The following SPOCK1 variants were observed in gnomAD, a reference collection of about 807,000 sequenced individuals.
SPOCK1 encodes the protein SPARC (osteonectin), cwcv and kazal like domains proteoglycan 1.
SPOCK1 carries 23 observed loss-of-function variants against 55.3 expected under a neutral mutation model. The ratio of observed to expected loss-of-function variants is 0.42; its 90% CI spans 0.30 to 0.59. The LOEUF is 0.59. SPOCK1 is among the 20% of genes least tolerant of loss of function. The probability of loss-of-function intolerance (pLI) is 0.22; values close to 1 mark genes in which losing one functional copy is unlikely to be tolerated. For synonymous variants in SPOCK1, 226 were observed against 221.0 expected, an observed-to-expected ratio of 1.02 and a Z score of -0.20; for missense variants, 499 against 552.5, an observed-to-expected ratio of 0.90 and a Z score of 0.97.
chr5:137,269,321 T>C (rs896697497), intron 2 of SPOCK1, among the ~76,000 whole-genome samples: 7 of 152,206 alleles, frequency 4.6e-5, no homozygotes, highest in Non-Finnish European at 1.0e-4. Flanking sequence ...TCTGATTGCT[T>C]TTGCCCTGCC....
At chr5:137,308,239 G>T (rs1332339357) in intron 2 of SPOCK1, among the ~76,000 whole-genome samples, 1 of 152,184 alleles carries the variant, frequency 6.6e-6, no homozygotes, top group African/African-American at 2.4e-5. Flanking sequence ...GACACACAAA[G>T]CCTTTGGACT....
At chr5:137,386,498 T>C (rs747826932) in intron 2 of SPOCK1, among the ~76,000 whole-genome samples, 4 of 152,178 alleles carry the variant, frequency 2.6e-5, no homozygotes, top group Non-Finnish European at 2.9e-5. Flanking sequence ...CAGCACATAA[T>C]AGAGAACTAG....
chr5:137,072,302 ATAAGT>A (rs1357378198), intron 5 of SPOCK1, among the ~76,000 whole-genome samples: 1 of 152,234 alleles, frequency 6.6e-6, no homozygotes, highest in Non-Finnish European at 1.5e-5. Context: ...AAACTAGGAA[ATAAGT>A]TAAGGACTTT....
chr5:137,071,917 T>C (rs563563134), intron 5 of SPOCK1, among the ~76,000 whole-genome samples: 2 of 152,244 alleles, frequency 1.3e-5, no homozygotes, highest in Non-Finnish European at 2.9e-5. Context: ...ATGTAAAGAC[T>C]ATAAATCTCT....
In SPOCK1 at chr5:136,978,037, C is replaced by A. The variant is rs1001870350; in HGVS notation, c.*617G>T. 48 of 397,940 alleles carry A rather than the reference C, an allele frequency of 1.2e-4. No individual in the cohort carries two copies. In the Middle Eastern group the frequency reaches 4.4e-3, roughly 37 times the overall value. 24.7% of individuals were successfully genotyped at this position (397,940 alleles called of 1,614,324 possible). On this transcript the variant is annotated 3_prime_UTR_variant, in exon 11 of 11. Coordinates refer to ENST00000394945, the MANE Select transcript of SPOCK1 (RefSeq NM_004598.4). ...GCATGTACAGGGAAGTATCCAGACA[C>A]CAATTTTTAATAAAATGAATTCCCC...
intron 2 of SPOCK1, among the ~76,000 whole-genome samples, chr5:137,354,487 C>T (rs1336887737): frequency 6.6e-6 from 1 of 152,164 alleles, no homozygotes; most frequent in Non-Finnish European, 1.5e-5. Context: ...GCGTCACCTG[C>T]ATACTCGACT....
chr5:136,988,543 G>C lies in SPOCK1; in HGVS notation c.807C>G (p.Ile269Met). Reference protein sequence around the residue: ...NYDLLLDPSEINAIYLDKYEP... With the variant: ...NYDLLLDPSEMNAIYLDKYEP... ...CGTACTTATCCAGGTAGATGGCATT[G>C]ATCTCTGAAGGGTCAAGCAGGAGGT... The change falls in exon 8 of 11, where the codon ATC becomes ATG. Residue 269 changes from isoleucine (I) to methionine (M), a missense_variant. This residue lies in a region of SPOCK1 where 386 missense variants were observed against 400.6 expected (regional missense o/e 0.96). Transcript: ENST00000394945. The C allele has an allele frequency of 6.2e-7, 1 of 1,614,164 alleles. No homozygotes were observed. The highest frequency in any genetic ancestry group is 2.2e-5 in the East Asian group (1 of 44,876).
Position 137,196,366 on chromosome 5 carries a change from G to T in SPOCK1, c.233-55672C>A, listed in dbSNP as rs770101877. On this transcript the variant is annotated intron_variant, in intron 3 of 10. Coordinates refer to ENST00000394945, the MANE Select transcript of SPOCK1 (RefSeq NM_004598.4). ...CATCTGCCTGAAAACCTTTCGGTGG[G>T]TTCCCATTGCTGCTAGGATGAGGAC... Among the ~76,000 whole-genome samples the T allele has an allele frequency of 4.6e-5, 7 of 152,112 alleles. No homozygotes were observed. In the South Asian group the frequency reaches 1.5e-3, roughly 32 times the overall value.
At chr5:137,062,387 C>T (rs1019384839) in intron 6 of SPOCK1, among the ~76,000 whole-genome samples, 1 of 151,894 alleles carries the variant, frequency 6.6e-6, no homozygotes, top group Non-Finnish European at 1.5e-5. Flanking sequence ...GGTTTATGTC[C>T]CTGAAACAGG....
intron 6 of SPOCK1, among the ~76,000 whole-genome samples, chr5:137,028,746 C>A (rs972333597): frequency 4.6e-5 from 7 of 151,954 alleles, no homozygotes; most frequent in African/African-American, 1.5e-4. Context: ...GACTCGACCC[C>A]AGAATGAGAG....
At chr5:137,220,769 T>A (rs1755832460) in intron 3 of SPOCK1, among the ~76,000 whole-genome samples, 1 of 152,206 alleles carries the variant, frequency 6.6e-6, no homozygotes, top group African/African-American at 2.4e-5. Flanking sequence ...TGTCAGCGAA[T>A]AGGTAGGTGA....
intron 10 of SPOCK1, among the ~76,000 whole-genome samples, 199 bp from the exon 11 acceptor site, chr5:136,979,043 T>G (rs1467226563): frequency 6.6e-6 from 1 of 152,188 alleles, no homozygotes; most frequent in Non-Finnish European, 1.5e-5. Context: ...ATTCTTGAGA[T>G]GCTCCTACCT....
At chr5:137,076,930 A>ATT (rs202041423) in intron 5 of SPOCK1, among the ~76,000 whole-genome samples, 38 of 149,254 alleles carry the variant, frequency 2.5e-4, no homozygotes, top group African/African-American at 8.6e-4. Context: ...CAGATTTAAA[A>ATT]TTTTTTTTTT....
At position 136,978,215 on chromosome 5, in the gene SPOCK1, A is replaced by G. The variant is rs1750654754; in HGVS notation, c.*439T>C. 3.1e-6 allele frequency: 1 copy of G among 324,834 alleles called. No individual in the cohort carries two copies. Among genetic ancestry groups the G allele is most frequent in the Admixed American group, 4.9e-5 (1 of 20,554 alleles). The allele number at this position is 324,834 out of a possible 1,614,324, so 20.1% of individuals were successfully genotyped here. Reference sequence around the variant, plus strand: ...TATTTTTTGTTTTTTTCTTTTTCACAACATCTACAGGACACAAGAGAAGCA... The same window carrying G: ...TATTTTTTGTTTTTTTCTTTTTCACGACATCTACAGGACACAAGAGAAGCA... On this transcript the variant is annotated 3_prime_UTR_variant, in exon 11 of 11. Transcript: ENST00000394945.
At chr5:137,043,609 C>A (rs1303894448) in intron 6 of SPOCK1, among the ~76,000 whole-genome samples, 1 of 152,170 alleles carries the variant, frequency 6.6e-6, no homozygotes, top group African/African-American at 2.4e-5. Context: ...CATAGGATGA[C>A]AATGACACTT....
At chr5:137,234,353 G>C (rs1222728635) in intron 3 of SPOCK1, among the ~76,000 whole-genome samples, 1 of 152,112 alleles carries the variant, frequency 6.6e-6, no homozygotes, top group African/African-American at 2.4e-5. Context: ...CACCATGCCT[G>C]GGCCACCTTC....
chr5:137,378,771 A>C (rs1002997197), intron 2 of SPOCK1, among the ~76,000 whole-genome samples: 13 of 152,226 alleles, frequency 8.5e-5, no homozygotes, highest in Non-Finnish European at 1.8e-4. Flanking sequence ...AGCTAGCAAC[A>C]GGATCACTTA....
chr5:136,987,988 A>G (rs575758333), intron 8 of SPOCK1, among the ~76,000 whole-genome samples: 19 of 152,324 alleles, frequency 1.2e-4, no homozygotes, highest in African/African-American at 4.6e-4. Context: ...ATTCTTGTCT[A>G]GGACACTTAG....
intron 6 of SPOCK1, among the ~76,000 whole-genome samples, chr5:137,021,333 A>T (rs1751561335): frequency 6.6e-6 from 1 of 152,206 alleles, no homozygotes; most frequent in Non-Finnish European, 1.5e-5. Flanking sequence ...AAATATCATT[A>T]AGGGATGCAA....
Sources: allele counts gnomAD v4.1 joint callset (sites outside exome capture counted in the v4.1 genomes callset), GRCh38; gene constraint gnomAD v4.1.1; regional missense constraint gnomAD v4.1.1; transcripts MANE v1.5; gene names NCBI Gene and HGNC (gene_info 2026-07-23, HGNC 2026-07-21).